The following ARHGEF9 variants were observed in gnomAD, a reference collection of about 807,000 sequenced individuals.
ARHGEF9 encodes Cdc42 guanine nucleotide exchange factor 9.
In ARHGEF9, 2 loss-of-function variants were observed where a neutral mutation model predicts 41.3. That is an observed-to-expected ratio of 0.05 (90% CI 0.02 to 0.15). The LOEUF (loss-of-function observed/expected upper bound fraction) is 0.15, where lower values mean the gene tolerates loss of function less well. Ranked by LOEUF, ARHGEF9 falls within the 10% of genes least tolerant of loss-of-function variation. The probability of loss-of-function intolerance (pLI) is 1.00; values close to 1 mark genes in which losing one functional copy is unlikely to be tolerated. For missense variants in ARHGEF9, 225 were observed against 424.7 expected (o/e 0.53, Z 4.13); for synonymous variants, 160 against 154.4 (o/e 1.04, Z -0.27).
chrX:63,679,961 A>G (rs1420835228), intron 4 of ARHGEF9, among the ~76,000 whole-genome samples: 1 of 112,592 alleles, frequency 8.9e-6, no homozygotes, highest in Non-Finnish European at 1.9e-5. Flanking sequence ...CAAAAAAAAT[A>G]CTGGAACCAA....
At chrX:63,693,708 AAAC>A (rs1479984742) in intron 4 of ARHGEF9, among the ~76,000 whole-genome samples, 5 of 110,470 alleles carry the variant, frequency 4.5e-5, no homozygotes, top group Admixed American at 9.7e-5. Context: ...ATAAAAAAAC[AAAC>A]AATACACTTA....
At chrX:63,747,001 T>C (rs1402367305) in intron 1 of ARHGEF9, among the ~76,000 whole-genome samples, 1 of 112,086 alleles carries the variant, frequency 8.9e-6, no homozygotes, top group Non-Finnish European at 1.9e-5. Context: ...AAGCCAAGTA[T>C]AATTAAGAAG....
Position 63,697,166 on chromosome X carries a change from C to T in ARHGEF9, c.541G>A (p.Asp181Asn). 8.3e-7 allele frequency: 1 copy of T among 1,210,579 alleles called. No individual in the cohort carries two copies. The highest frequency in any genetic ancestry group is 1.1e-6 in the Non-Finnish European group (1 of 895,013). ...GGTCCTATCTCGCTGAGGTGGGGGT[C>T]ATCATTGTTATACTGTTTCTCCAGG... is the stretch of plus-strand genomic sequence containing the variant. ...RDLEKQYNND[D>N]PHLSEIGPCF... is the part of the protein sequence containing the mutation. The change falls in exon 4 of 10, where the codon GAC becomes AAC. Residue 181 changes from aspartate (D) to asparagine (N), a missense_variant. Physicochemically the swap from Asp to Asn is conservative, Grantham distance 23 (BLOSUM62 1). Around this residue, in one of 3 missense-constraint regions of ARHGEF9, gnomAD observed 114 missense variants for 197.9 expected, o/e 0.58. Coordinates refer to ENST00000671741, the MANE Select transcript of ARHGEF9 (RefSeq NM_001353921.2).
At chrX:63,687,718 T>G (rs2051073337) in intron 4 of ARHGEF9, among the ~76,000 whole-genome samples, 1 of 109,647 alleles carries the variant, frequency 9.1e-6, no homozygotes, top group Non-Finnish European at 1.9e-5. Context: ...AATACAATAG[T>G]CAAACTGAAA....
chrX:63,771,434 C>T (rs2056202667), intron 1 of ARHGEF9, among the ~76,000 whole-genome samples: 1 of 112,080 alleles, frequency 8.9e-6, no homozygotes, highest in South Asian at 3.7e-4. Context: ...AGCCACCGTG[C>T]TCAGATAATT....
chrX:63,674,962 G>T (rs1327392623), intron 5 of ARHGEF9, among the ~76,000 whole-genome samples: 1 of 111,449 alleles, frequency 9.0e-6, no homozygotes, highest in African/African-American at 3.3e-5. Context: ...TAGGCCTTCT[G>T]AGAAATCACC....
intron 8 of ARHGEF9, among the ~76,000 whole-genome samples, chrX:63,648,333 T>G (rs1556319506): frequency 9.0e-6 from 1 of 111,148 alleles, no homozygotes; most frequent in Middle Eastern, 4.2e-3. Context: ...ACCCAGAATT[T>G]CATATCCAGC....
rs1602298669 is a variant in ARHGEF9 at position 63,665,764 on chromosome X, C to T, written c.1077+122G>A. The T allele has an allele frequency of 5.5e-6, 5 of 914,039 alleles. No individual in the cohort carries two copies. In the East Asian group the frequency reaches 1.7e-4, roughly 31 times the overall value. The allele number at this position is 914,039 out of a possible 1,213,427, so 75.3% of individuals were successfully genotyped here. A position where few individuals can be genotyped will look rare whatever the true frequency, so the allele number is the denominator to read the frequency against. On this transcript the variant is annotated intron_variant, in intron 7 of 9. Coordinates refer to ENST00000671741, the MANE Select transcript of ARHGEF9 (RefSeq NM_001353921.2). ...CCTGATACAGAATTGCTGCCAATCT[C>T]CTGTCTGTTTTCCCCCCATCAGTAT...
At chrX:63,754,458 G>C in intron 1 of ARHGEF9, 2 of 1,143,206 alleles carry the variant, frequency 1.7e-6, no homozygotes, top group South Asian at 2.1e-5. Context: ...GCGAGAGTTC[G>C]CGACAGCTCA....
At chrX:63,687,847 G>A (rs1556377256) in intron 4 of ARHGEF9, among the ~76,000 whole-genome samples, 2 of 109,275 alleles carry the variant, frequency 1.8e-5, no homozygotes, top group African/African-American at 3.3e-5. Flanking sequence ...AATGAAGAAC[G>A]CCAACAAGAT....
intron 7 of ARHGEF9, among the ~76,000 whole-genome samples, chrX:63,664,123 T>A (rs1195061748): frequency 4.4e-5 from 5 of 112,459 alleles, no homozygotes; most frequent in Admixed American, 9.4e-5. Context: ...CTGGTTTGAA[T>A]CCCCAGCCCT....
chrX:63,780,813 T>C (rs1386642296), intron 1 of ARHGEF9, among the ~76,000 whole-genome samples: 1 of 112,063 alleles, frequency 8.9e-6, no homozygotes, highest in African/African-American at 3.2e-5. Flanking sequence ...CACACAGTTG[T>C]AACTACAAGT....
At chrX:63,700,542 A>T (rs1201313325) in intron 3 of ARHGEF9, among the ~76,000 whole-genome samples, 7 of 111,954 alleles carry the variant, frequency 6.3e-5, no homozygotes, top group African/African-American at 1.9e-4. Context: ...GTTAGAAAAA[A>T]GAAGAAATAT....
intron 2 of ARHGEF9, among the ~76,000 whole-genome samples, chrX:63,721,091 C>T (rs782015903): frequency 9.0e-6 from 1 of 111,679 alleles, no homozygotes; most frequent in Admixed American, 9.5e-5. Context: ...CCACTCTTGG[C>T]TAAGATGGTT....
intron 5 of ARHGEF9, 127 bp downstream of exon 5, chrX:63,678,213 A>G (rs2050394560): frequency 3.4e-6 from 2 of 594,912 alleles, no homozygotes; most frequent in East Asian, 7.1e-5. Context: ...GCAATCAAGA[A>G]TGTATCATCC....
At chrX:63,640,656 C>A (rs1264910492) in intron 9 of ARHGEF9, 1 of 112,077 alleles carries the variant, frequency 8.9e-6, no homozygotes, top group African/African-American at 3.2e-5. Flanking sequence ...GGAGCTAGAT[C>A]TGGTATTCTC....
At chrX:63,669,538 C>T (rs189285170) in intron 6 of ARHGEF9, among the ~76,000 whole-genome samples, 13 of 111,763 alleles carry the variant, frequency 1.2e-4, no homozygotes, top group Middle Eastern at 4.6e-3. Context: ...ACCTCCCTAA[C>T]TTCATTTGCT....
chrX:63,655,539 C>A lies in ARHGEF9; in HGVS notation c.1276G>T (p.Ala426Ser). The A allele has an allele frequency of 4.1e-6, 5 of 1,211,251 alleles. No individual in the cohort carries two copies. The highest frequency in any genetic ancestry group is 5.6e-6 in the Non-Finnish European group (5 of 895,250). Residue 426 changes from alanine to serine, a missense_variant, in exon 8 of 10, where the codon GCT (alanine) becomes TCT (serine). Physicochemically the swap from Ala to Ser is moderately conservative, Grantham distance 99. Coordinates refer to ENST00000671741, the MANE Select transcript of ARHGEF9 (RefSeq NM_001353921.2). ...KLEEKIRWLR[A>S]FREERKMVQE... ...ACCATTTTCCTCTCTTCTCTGAAAG[C>A]CCTGAGCCAGCGTATTTTTTCCTCC...
At chrX:63,649,036 G>T in intron 8 of ARHGEF9, among the ~76,000 whole-genome samples, 2 of 111,260 alleles carry the variant, frequency 1.8e-5, no homozygotes, top group Middle Eastern at 4.6e-3. Flanking sequence ...ACATTAGACA[G>T]ATCAACGAGA....
Sources: allele counts gnomAD v4.1 joint callset (sites outside exome capture counted in the v4.1 genomes callset), GRCh38; gene constraint gnomAD v4.1.1; regional missense constraint gnomAD v4.1.1; transcripts MANE v1.5; gene names NCBI Gene and HGNC (gene_info 2026-07-23, HGNC 2026-07-21).